The following PLCB1 variants were observed in gnomAD, a reference collection of about 807,000 sequenced individuals.
PLCB1 encodes the protein phospholipase C beta 1.
In PLCB1, 46 loss-of-function variants were observed where a neutral mutation model predicts 161.8. The ratio of observed to expected loss-of-function variants is 0.28; its 90% CI spans 0.22 to 0.36. The LOEUF is 0.36. PLCB1 is among the 10% of genes least tolerant of loss of function. The pLI is 1.00. For missense variants in PLCB1, 1,016 were observed against 1,472.5 expected, an observed-to-expected ratio of 0.69 and a Z score of 5.07; for synonymous variants, 517 against 503.7, an observed-to-expected ratio of 1.03 and a Z score of -0.35.
chr20:8,259,685 C>G (rs1258707256), intron 2 of PLCB1, among the ~76,000 whole-genome samples: 1 of 152,142 alleles, frequency 6.6e-6, no homozygotes, highest in Non-Finnish European at 1.5e-5. Context: ...TCAGGCATAC[C>G]AGTAGATCTC....
At chr20:8,414,270 C>A (rs1162036394) in intron 3 of PLCB1, among the ~76,000 whole-genome samples, 1 of 152,010 alleles carries the variant, frequency 6.6e-6, no homozygotes, top group East Asian at 1.9e-4. Context: ...ATTGCTAAGC[C>A]AGCATACTAA....
rs765638834 is a variant in PLCB1 at position 8,727,402 on chromosome 20, G to T, written c.1763+9G>T. 4 of 1,450,800 alleles carry T rather than the reference G, an allele frequency of 2.8e-6. No homozygotes were observed. In the African/African-American group the frequency reaches 5.6e-5, roughly 20 times the overall value. The allele number at this position is 1,450,800 out of a possible 1,614,324, so 89.9% of individuals were successfully genotyped here. A position where few individuals can be genotyped will look rare whatever the true frequency, so the allele number is the denominator to read the frequency against. The stretch of plus-strand genomic sequence containing the variant: ...CCAGTGGAATTTGTAGAGTATCCTT[G>T]ATTTGACGAATGACTGCAGAATGAA... On this transcript the variant is annotated intron_variant, in intron 17 of 31. Coordinates refer to ENST00000338037, the MANE Select transcript of PLCB1 (RefSeq NM_015192.4).
intron 1 of PLCB1, among the ~76,000 whole-genome samples, chr20:8,143,111 C>A (rs1376114851): frequency 6.6e-6 from 1 of 152,158 alleles, no homozygotes; most frequent in African/African-American, 2.4e-5. Flanking sequence ...TAGTAAAAAT[C>A]CCAACCTCAA....
At chr20:8,377,139 G>A (rs539842349) in intron 3 of PLCB1, among the ~76,000 whole-genome samples, 2 of 152,084 alleles carry the variant, frequency 1.3e-5, no homozygotes, top group East Asian at 1.9e-4. Flanking sequence ...TAACAGATAA[G>A]TCCCACTGAG....
intron 11 of PLCB1, among the ~76,000 whole-genome samples, chr20:8,700,790 C>G (rs987106915): frequency 2.6e-5 from 4 of 151,608 alleles, no homozygotes; most frequent in African/African-American, 9.7e-5. Flanking sequence ...GGAGTGAATT[C>G]ATCATCCCAG....
intron 2 of PLCB1, among the ~76,000 whole-genome samples, chr20:8,285,459 A>C (rs988331224): frequency 2.0e-5 from 3 of 152,012 alleles, no homozygotes; most frequent in Non-Finnish European, 2.9e-5. Context: ...TTCACATCCA[A>C]TTTTTAATTT....
chr20:8,607,266 A>T (rs1987783698), intron 3 of PLCB1, among the ~76,000 whole-genome samples: 1 of 152,194 alleles, frequency 6.6e-6, no homozygotes, highest in South Asian at 2.1e-4. Context: ...ATAGCATCTT[A>T]ATTGGCTTCC....
chr20:8,407,956 AAACT>A (rs1214764972), intron 3 of PLCB1, among the ~76,000 whole-genome samples: 1 of 152,220 alleles, frequency 6.6e-6, no homozygotes, highest in Non-Finnish European at 1.5e-5. Context: ...AAGTCTGAGA[AAACT>A]CGTGGTATAG....
intron 14 of PLCB1, among the ~76,000 whole-genome samples, chr20:8,721,510 A>G (rs1979631568): frequency 6.6e-6 from 1 of 152,218 alleles, no homozygotes; most frequent in Non-Finnish European, 1.5e-5. Flanking sequence ...AACCTAGCAG[A>G]AATGTCCATT....
chr20:8,841,676 TTAAAA>T (rs1433285054), intron 31 of PLCB1, among the ~76,000 whole-genome samples: 1 of 152,204 alleles, frequency 6.6e-6, no homozygotes, highest in Non-Finnish European at 1.5e-5. Context: ...CTAATTGATC[TTAAAA>T]TTAAAGTCCA....
At chr20:8,156,294 C>A (rs1182007606) in intron 2 of PLCB1, among the ~76,000 whole-genome samples, 1 of 152,166 alleles carries the variant, frequency 6.6e-6, no homozygotes, top group African/African-American at 2.4e-5. Context: ...TATTATATCC[C>A]AGAACTCTCT....
At chr20:8,792,457 A>C in intron 31 of PLCB1, 1 of 444,152 alleles carries the variant, frequency 2.3e-6, no homozygotes, top group Non-Finnish European at 4.6e-6. Flanking sequence ...GACAGGTTAC[A>C]TACAGTGTAC....
At chr20:8,871,972 A>G (rs957080181) in intron 31 of PLCB1, among the ~76,000 whole-genome samples, 1 of 152,218 alleles carries the variant, frequency 6.6e-6, no homozygotes, top group Non-Finnish European at 1.5e-5. Flanking sequence ...TAAAATTCCA[A>G]GAGATTAAAT....
chr20:8,183,939 G>C (rs1409825464), intron 2 of PLCB1, among the ~76,000 whole-genome samples: 1 of 151,946 alleles, frequency 6.6e-6, no homozygotes, highest in Admixed American at 6.6e-5. Context: ...AGTTATCTTG[G>C]TTTGACTGTA....
intron 3 of PLCB1, among the ~76,000 whole-genome samples, chr20:8,463,146 AGT>A (rs11472638): frequency 0.017 from 2,503 of 144,676 alleles, 49 homozygotes; most frequent in African/African-American, 0.039. Context: ...AGTACAGAGC[AGT>A]GTGTGTGTGT....
At chr20:8,834,830 A>C (rs1001403017) in intron 31 of PLCB1, among the ~76,000 whole-genome samples, 3 of 123,444 alleles carry the variant, frequency 2.4e-5, no homozygotes, top group Non-Finnish European at 3.6e-5. Flanking sequence ...AAAAAAAAAA[A>C]AAAAAAACCA....
intron 3 of PLCB1, among the ~76,000 whole-genome samples, chr20:8,587,689 G>T (rs1987031817): frequency 6.6e-6 from 1 of 152,182 alleles, no homozygotes; most frequent in South Asian, 2.1e-4. Flanking sequence ...TCTTGCCTGA[G>T]ATTATAAATT....
At chr20:8,653,108 C>T (rs991446182) in intron 7 of PLCB1, 43 of 152,074 alleles carry the variant, frequency 2.8e-4, no homozygotes, top group African/African-American at 8.9e-4. Flanking sequence ...AATAGTCTTG[C>T]CACAGCACTG....
chr20:8,683,245 T>C (rs959327590), intron 9 of PLCB1, among the ~76,000 whole-genome samples: 1 of 152,114 alleles, frequency 6.6e-6, no homozygotes, highest in East Asian at 1.9e-4. Flanking sequence ...TCTGGGAGGA[T>C]ACACACCAAT....
Sources: gnomAD v4.1 joint callset for allele counts (sites outside exome capture counted in the v4.1 genomes callset) on GRCh38, gnomAD v4.1.1 for gene constraint, MANE v1.5 for transcripts, NCBI Gene and HGNC (gene_info 2026-07-23, HGNC 2026-07-21) for gene names.